GRIK2: variants seen among roughly 807,000 people sequenced by gnomAD.
GRIK2 encodes the protein glutamate receptor ionotropic, kainate 2.
Under a neutral mutation model 100.3 loss-of-function variants are expected in GRIK2, and 32 were observed. That is an observed-to-expected ratio of 0.32 (90% CI 0.24 to 0.43). The LOEUF (loss-of-function observed/expected upper bound fraction) is 0.43, where lower values mean the gene tolerates loss of function less well. Ranked by LOEUF, GRIK2 falls within the 20% of genes least tolerant of loss-of-function variation. GRIK2 has a pLI of 1.00. For synonymous variants in GRIK2, 417 were observed against 389.4 expected (o/e 1.07, Z -0.83); for missense variants, 843 against 1,114.9 (o/e 0.76, Z 3.47).
At chr6:101,991,159 G>T (rs148700622) in intron 14 of GRIK2, among the ~76,000 whole-genome samples, 4 of 151,816 alleles carry the variant, frequency 2.6e-5, no homozygotes, top group African/African-American at 7.2e-5. Context: ...TCTAATGCTA[G>T]TGAGTCTCAA....
chr6:102,006,393 T>G (rs1455077083), intron 14 of GRIK2, among the ~76,000 whole-genome samples: 1 of 141,050 alleles, frequency 7.1e-6, no homozygotes, highest in Non-Finnish European at 1.5e-5. Context: ...TATATATATT[T>G]TTTTTTTTTT....
intron 14 of GRIK2, among the ~76,000 whole-genome samples, chr6:101,964,950 G>T (rs1792564214): frequency 6.6e-6 from 1 of 151,688 alleles, no homozygotes; most frequent in African/African-American, 2.4e-5. Flanking sequence ...TGTTAAGTTT[G>T]CGGGAAAATA....
chr6:101,907,603 G>A (rs1299986408), intron 12 of GRIK2, among the ~76,000 whole-genome samples: 1 of 151,684 alleles, frequency 6.6e-6, no homozygotes, highest in African/African-American at 2.4e-5. Context: ...AAAGTTCAAA[G>A]TTTAAGTCTT....
chr6:101,758,968 T>A (rs897663174), intron 7 of GRIK2, among the ~76,000 whole-genome samples: 5 of 152,158 alleles, frequency 3.3e-5, no homozygotes, highest in Non-Finnish European at 7.4e-5. Context: ...CTAAAATATT[T>A]TAAACTGTAA....
In GRIK2 at chr6:101,974,150, T is replaced by G. The variant is rs1793227390; in HGVS notation, c.2085+45518T>G. 9.2e-5 allele frequency among the ~76,000 whole-genome samples: 14 copies of G among 152,032 alleles called. No homozygotes were observed. The South Asian group carries it at 2.9e-3, about 32-fold the overall frequency. ...AAAATTTAGCCATCTTGTCTTTTTG[T>G]AAATAATTGTGAATAAAAATTCATT... On this transcript the variant is annotated intron_variant, in intron 14 of 16. Transcript: ENST00000369134.
chr6:101,609,316 G>GA (rs964902318), intron 2 of GRIK2, among the ~76,000 whole-genome samples: 4 of 151,296 alleles, frequency 2.6e-5, no homozygotes, highest in Admixed American at 2.0e-4. Flanking sequence ...AATTTCACAG[G>GA]AAAAAAATAC....
At chr6:101,996,498 TAGC>T (rs953083896) in intron 14 of GRIK2, among the ~76,000 whole-genome samples, 2 of 152,108 alleles carry the variant, frequency 1.3e-5, no homozygotes. Flanking sequence ...TAAAATCTCT[TAGC>T]AGGAGGATCT....
At chr6:101,504,694 A>G (rs1290407067) in intron 2 of GRIK2, among the ~76,000 whole-genome samples, 1 of 152,078 alleles carries the variant, frequency 6.6e-6, no homozygotes, top group Non-Finnish European at 1.5e-5. Flanking sequence ...TCTGTTTATT[A>G]TATGTTGCCT....
At chr6:101,578,809 C>T (rs1238391743) in intron 2 of GRIK2, among the ~76,000 whole-genome samples, 2 of 152,100 alleles carry the variant, frequency 1.3e-5, no homozygotes, top group African/African-American at 4.8e-5. Flanking sequence ...CATTCAAATT[C>T]AGTGAACATT....
chr6:101,883,322 T>TAATATA (rs1463528837), intron 11 of GRIK2, among the ~76,000 whole-genome samples: 1 of 144,408 alleles, frequency 6.9e-6, no homozygotes, highest in Non-Finnish European at 1.5e-5. Context: ...ATAATAATAA[T>TAATATA]ATAATAAAGG....
chr6:101,968,981 T>A (rs1792870594), intron 14 of GRIK2, among the ~76,000 whole-genome samples: 1 of 151,994 alleles, frequency 6.6e-6, no homozygotes, highest in African/African-American at 2.4e-5. Flanking sequence ...TTTTAAACAT[T>A]AAAGACTCAT....
Position 101,896,997 on chromosome 6 carries a change from AACACACAC to A in GRIK2, c.1748+7162_1748+7169del, listed in dbSNP as rs10588904. On this transcript the variant is annotated intron_variant, in intron 12 of 16. Coordinates refer to ENST00000369134, the MANE Select transcript of GRIK2 (RefSeq NM_021956.5). The stretch of plus-strand genomic sequence containing the variant: ...CTTTATGGAACATGTCATTGTATTT[AACACACAC>A]ACACACACACACACACACACACACA... Among the ~76,000 whole-genome samples the A allele has an allele frequency of 2.6e-3, 384 of 147,138 alleles. 4 individuals carry two copies. Among genetic ancestry groups the A allele is most frequent in the South Asian group, 0.013 (63 of 4,680 alleles).
intron 16 of GRIK2, among the ~76,000 whole-genome samples, chr6:102,060,222 A>AT (rs921226057): frequency 2.7e-5 from 4 of 150,776 alleles, no homozygotes; most frequent in Non-Finnish European, 4.5e-5. Context: ...AAATAATTAT[A>AT]TTTTTTTCTG....
intron 12 of GRIK2, among the ~76,000 whole-genome samples, chr6:101,907,380 C>A (rs1008120641): frequency 1.4e-4 from 6 of 44,066 alleles, no homozygotes; most frequent in Middle Eastern, 0.013. Context: ...AGGCCCCTGT[C>A]TGATTTAAAA....
chr6:101,596,291 AT>A (rs1463943991), intron 2 of GRIK2, among the ~76,000 whole-genome samples: 1 of 149,294 alleles, frequency 6.7e-6, no homozygotes, highest in African/African-American at 2.5e-5. Flanking sequence ...GATTCAGCTA[AT>A]TTTTTCATTA....
intron 2 of GRIK2, among the ~76,000 whole-genome samples, chr6:101,484,372 A>G (rs1208038650): frequency 6.6e-6 from 1 of 152,210 alleles, no homozygotes; most frequent in East Asian, 1.9e-4. Flanking sequence ...GACCTACTAC[A>G]GCCTGAATAT....
chr6:101,671,890 TA>T (rs1165176054), intron 4 of GRIK2, among the ~76,000 whole-genome samples: 1 of 152,068 alleles, frequency 6.6e-6, no homozygotes, highest in African/African-American at 2.4e-5. Context: ...TACTTAGTAT[TA>T]TTTAAAAATA....
chr6:101,704,652 T>A (rs1773129838), intron 7 of GRIK2, among the ~76,000 whole-genome samples: 1 of 151,448 alleles, frequency 6.6e-6, no homozygotes, highest in African/African-American at 2.4e-5. Flanking sequence ...TTTTTCAGAA[T>A]ATGTAGCCTC....
chr6:101,960,407 T>C (rs913256954), intron 14 of GRIK2, among the ~76,000 whole-genome samples: 1 of 152,154 alleles, frequency 6.6e-6, no homozygotes, highest in Admixed American at 6.6e-5. Context: ...GCACTCTGTT[T>C]TTCCATGGTG....
Sources: allele counts gnomAD v4.1 joint callset (sites outside exome capture counted in the v4.1 genomes callset), GRCh38; gene constraint gnomAD v4.1.1; transcripts MANE v1.5; gene names NCBI Gene and HGNC (gene_info 2026-07-23, HGNC 2026-07-21).